KIF16B: variants seen among roughly 807,000 people sequenced by gnomAD.
KIF16B encodes kinesin family member 16B.
Under a neutral mutation model 156.3 loss-of-function variants are expected in KIF16B, and 98 were observed. The observed-to-expected ratio is 0.63, with a 90% CI of 0.53 to 0.74. The LOEUF (loss-of-function observed/expected upper bound fraction) is 0.74, where lower values mean the gene tolerates loss of function less well. KIF16B is among the 30% of genes least tolerant of loss of function. KIF16B has a pLI of 0.00. For synonymous variants in KIF16B, 564 were observed against 583.7 expected (o/e 0.97, Z 0.49); for missense variants, 1,421 against 1,606.5 (o/e 0.88, Z 1.97).
At chr20:16,301,885 T>G (rs1601527199) in intron 25 of KIF16B, among the ~76,000 whole-genome samples, 1 of 152,004 alleles carries the variant, frequency 6.6e-6, no homozygotes, top group African/African-American at 2.4e-5. Context: ...CCTGACCTCA[T>G]GTGATCTGCC....
chr20:16,424,939 T>G (rs2066315544), intron 15 of KIF16B, among the ~76,000 whole-genome samples: 1 of 152,142 alleles, frequency 6.6e-6, no homozygotes. Flanking sequence ...TGGTATAAAC[T>G]CCTTGTTAGC....
At chr20:16,409,384 A>G (rs1311490736) in intron 15 of KIF16B, among the ~76,000 whole-genome samples, 2 of 151,990 alleles carry the variant, frequency 1.3e-5, no homozygotes, top group Non-Finnish European at 2.9e-5. Flanking sequence ...AGGAGGGAGA[A>G]AGTGAATCAA....
intron 15 of KIF16B, among the ~76,000 whole-genome samples, chr20:16,416,587 G>C (rs1446880331): frequency 6.6e-6 from 1 of 152,024 alleles, no homozygotes; most frequent in African/African-American, 2.4e-5. Context: ...GGAGGGTGGG[G>C]TGCGGAGACC....
chr20:16,535,357 T>G (rs2069918825), intron 1 of KIF16B, among the ~76,000 whole-genome samples: 1 of 152,244 alleles, frequency 6.6e-6, no homozygotes, highest in Non-Finnish European at 1.5e-5. Context: ...TGCAACTTTA[T>G]TAAATTCATT....
At chr20:16,449,488 CA>C (rs1165055565) in intron 12 of KIF16B, among the ~76,000 whole-genome samples, 1 of 152,094 alleles carries the variant, frequency 6.6e-6, no homozygotes, top group Non-Finnish European at 1.5e-5. Flanking sequence ...GCAAAAGTAG[CA>C]AAATCACCAA....
At chr20:16,436,041 C>T (rs769601279) in intron 12 of KIF16B, among the ~76,000 whole-genome samples, 5 of 152,220 alleles carry the variant, frequency 3.3e-5, no homozygotes, top group Admixed American at 6.5e-5. Context: ...TTATCTTTTG[C>T]GTGCTATATT....
Position 16,511,598 on chromosome 20 carries a change from A to C in KIF16B, c.447-71T>G. On this transcript the variant is annotated intron_variant, in intron 5 of 25. Transcript: ENST00000354981. The stretch of plus-strand genomic sequence containing the variant: ...ATTAATATCAGTAACAACACATAAC[A>C]GCAGCAACCTGCTGACATAAATGGC... 2.2e-6 allele frequency: 2 copies of C among 903,804 alleles called. 1 individual carries two copies. Among genetic ancestry groups the C allele is most frequent in the South Asian group, 3.1e-5 (2 of 64,816 alleles). The allele number at this position is 903,804 out of a possible 1,614,324, so 56.0% of individuals were successfully genotyped here.
chr20:16,274,270 C>T (rs1392360907), intron 25 of KIF16B, among the ~76,000 whole-genome samples: 1 of 152,080 alleles, frequency 6.6e-6, no homozygotes, highest in Admixed American at 6.5e-5. Context: ...CTATAATCAT[C>T]AACAAAAAGG....
At chr20:16,387,473 A>G (rs1166384767) in intron 17 of KIF16B, among the ~76,000 whole-genome samples, 1 of 152,190 alleles carries the variant, frequency 6.6e-6, no homozygotes, top group African/African-American at 2.4e-5. Flanking sequence ...GAGATGAGGG[A>G]CTTAATTGGA....
chr20:16,363,987 T>C (rs1029801052), intron 22 of KIF16B, among the ~76,000 whole-genome samples: 3 of 152,180 alleles, frequency 2.0e-5, no homozygotes, highest in African/African-American at 7.2e-5. Context: ...AACTGGTCTA[T>C]CCAATAAGCC....
rs2147000041 is a variant in KIF16B, at chr20:16,504,372, C to G, written c.1176G>C (p.Gln392His). The change falls in exon 10 of 26, where the codon CAG (glutamine) becomes CAC (histidine). Residue 392 changes from glutamine to histidine, a missense_variant and splice_region_variant. Gln to His is a conservative substitution (Grantham distance 24). Transcript: ENST00000354981. ...TCCATAAATCTCAGAAAAACCCAAC[C>G]TGATTCCCTTGAGCAAGCAGCGTTT... is the stretch of plus-strand genomic sequence containing the variant. ...RLKTLLAQGN[Q>H]IALLDSPTAL... The G allele has an allele frequency of 6.2e-7, 1 of 1,613,550 alleles. No individual in the cohort carries two copies. Among genetic ancestry groups the G allele is most frequent in the East Asian group, 2.2e-5 (1 of 44,868 alleles).
chr20:16,384,654 G>A (rs2065185521), intron 17 of KIF16B, among the ~76,000 whole-genome samples: 1 of 152,148 alleles, frequency 6.6e-6, no homozygotes, highest in African/African-American at 2.4e-5. Flanking sequence ...GGAGCAATAT[G>A]AGAAGGCAGA....
chr20:16,380,995 T>C (rs1474380533), intron 18 of KIF16B, among the ~76,000 whole-genome samples: 1 of 152,190 alleles, frequency 6.6e-6, no homozygotes, highest in Admixed American at 6.5e-5. Context: ...AAACTCCAGG[T>C]CCTACTAAAT....
At chr20:16,378,782 A>G (rs1158904214) in intron 19 of KIF16B, 23 bp downstream of exon 19, 1 of 1,568,870 alleles carries the variant, frequency 6.4e-7, no homozygotes, top group Non-Finnish European at 8.6e-7. Flanking sequence ...ACTGTATGCC[A>G]CACCCTTCCT....
At chr20:16,551,796 GTGGCTC>G (rs2070676005) in intron 1 of KIF16B, among the ~76,000 whole-genome samples, 1 of 152,128 alleles carries the variant, frequency 6.6e-6, no homozygotes, top group South Asian at 2.1e-4. Context: ...CCTCATTTCT[GTGGCTC>G]AGCTGACCAA....
intron 10 of KIF16B, among the ~76,000 whole-genome samples, chr20:16,503,502 C>T (rs1316450086): frequency 6.6e-6 from 1 of 152,198 alleles, no homozygotes. Flanking sequence ...ATGCCAAGAG[C>T]TTCAAGTGCC....
intron 23 of KIF16B, among the ~76,000 whole-genome samples, chr20:16,352,037 C>T (rs6043909): frequency 0.014 from 2,197 of 152,226 alleles, 46 homozygotes; most frequent in African/African-American, 0.05. Flanking sequence ...CGTTGGATCC[C>T]CTCTCCATGG....
chr20:16,441,056 T>C (rs1437759853), intron 12 of KIF16B, among the ~76,000 whole-genome samples: 1 of 152,228 alleles, frequency 6.6e-6, no homozygotes, highest in African/African-American at 2.4e-5. Flanking sequence ...TGATCACAAG[T>C]ACTTTAGTAT....
chr20:16,382,519 G>C (rs2065122463), intron 17 of KIF16B, among the ~76,000 whole-genome samples: 1 of 152,160 alleles, frequency 6.6e-6, no homozygotes, highest in South Asian at 2.1e-4. Context: ...GGAGTTATGG[G>C]GGTTGTGAGA....
Sources: gnomAD v4.1 joint callset for allele counts (sites outside exome capture counted in the v4.1 genomes callset) on GRCh38, gnomAD v4.1.1 for gene constraint, MANE v1.5 for transcripts, NCBI Gene and HGNC (gene_info 2026-07-23, HGNC 2026-07-21) for gene names.